Variants in CACNA2D1 observed in about 807,000 individuals in gnomAD.
CACNA2D1 encodes calcium voltage-gated channel auxiliary subunit alpha2delta 1, also known as voltage-dependent calcium channel subunit alpha-2/delta-1.
In CACNA2D1, 53 loss-of-function variants were observed where a neutral mutation model predicts 171.5. The observed-to-expected ratio is 0.31, with a 90% CI of 0.25 to 0.39. The LOEUF (loss-of-function observed/expected upper bound fraction) is 0.39, where lower values mean the gene tolerates loss of function less well. CACNA2D1 is among the 10% of genes least tolerant of loss of function. The probability of loss-of-function intolerance (pLI) is 1.00; values close to 1 mark genes in which losing one functional copy is unlikely to be tolerated. For missense variants in CACNA2D1, 903 were observed against 1,299.8 expected (o/e 0.69, Z 4.69); for synonymous variants, 442 against 443.1 (o/e 1.00, Z 0.03).
intron 18 of CACNA2D1, among the ~76,000 whole-genome samples, chr7:81,998,535 C>T (rs371508564): frequency 1.5e-4 from 23 of 152,074 alleles, no homozygotes; most frequent in African/African-American, 5.1e-4. Context: ...AAAATGCCTT[C>T]CTTCAAAGAG....
In CACNA2D1 at chr7:82,440,477, G is replaced by T. The variant is rs541386438; in HGVS notation, c.95+2888C>A. Among the ~76,000 whole-genome samples the T allele has an allele frequency of 1.1e-4, 16 of 151,878 alleles. No homozygotes were observed. The South Asian group carries it at 3.3e-3, about 32-fold the overall frequency. On this transcript the variant is annotated intron_variant, in intron 1 of 38. Coordinates refer to ENST00000356860, the MANE Select transcript of CACNA2D1 (RefSeq NM_000722.4). The stretch of plus-strand genomic sequence containing the variant: ...ACCAATACGACATGTGCATACTATA[G>T]CATAAAAATGATATATTTTCCATTT...
chr7:82,095,826 C>T (rs1293227256), intron 6 of CACNA2D1, among the ~76,000 whole-genome samples: 1 of 152,156 alleles, frequency 6.6e-6, no homozygotes, highest in Non-Finnish European at 1.5e-5. Flanking sequence ...GGATGGGTAT[C>T]ATCTGAATCA....
At chr7:82,138,440 GTTTTTTTTGTTTTT>G (rs1791955652) in intron 4 of CACNA2D1, among the ~76,000 whole-genome samples, 1 of 95,352 alleles carries the variant, frequency 1.0e-5, no homozygotes, top group Admixed American at 1.3e-4. Context: ...TGTTTTTTTT[GTTTTTTTTGTTTTT>G]TTTTTTTTTT....
At chr7:82,319,770 A>C (rs1815586659) in intron 3 of CACNA2D1, among the ~76,000 whole-genome samples, 1 of 152,260 alleles carries the variant, frequency 6.6e-6, no homozygotes, top group Non-Finnish European at 1.5e-5. Context: ...CAATAGACCA[A>C]CATTTATAGG....
chr7:82,128,849 G>A (rs989765997), intron 5 of CACNA2D1, among the ~76,000 whole-genome samples: 3 of 151,892 alleles, frequency 2.0e-5, no homozygotes, highest in Non-Finnish European at 2.9e-5. Flanking sequence ...CTGAATGCTG[G>A]TGTTCTGAGG....
chr7:82,031,478 T>C (rs113117401), intron 12 of CACNA2D1, among the ~76,000 whole-genome samples: 24 of 152,106 alleles, frequency 1.6e-4, no homozygotes, highest in Non-Finnish European at 3.5e-4. Context: ...TTTTCAAAAG[T>C]GGTTCCTCTA....
intron 3 of CACNA2D1, among the ~76,000 whole-genome samples, chr7:82,278,946 G>C (rs1809720788): frequency 6.6e-6 from 1 of 152,086 alleles, no homozygotes. Context: ...AATTTCAAAG[G>C]CTTCTAGGAA....
At chr7:82,353,518 G>A (rs1044414002) in intron 1 of CACNA2D1, among the ~76,000 whole-genome samples, 12 of 151,992 alleles carry the variant, frequency 7.9e-5, no homozygotes, top group African/African-American at 2.4e-4. Flanking sequence ...AAAGATCAAT[G>A]TATAACTCCC....
chr7:82,160,678 G>A (rs973305751), intron 4 of CACNA2D1, among the ~76,000 whole-genome samples: 1 of 151,802 alleles, frequency 6.6e-6, no homozygotes, highest in Admixed American at 6.6e-5. Flanking sequence ...CTCCTTACGT[G>A]GCCCAGGCTA....
intron 20 of CACNA2D1, among the ~76,000 whole-genome samples, chr7:81,994,452 G>A (rs547854980): frequency 5.1e-4 from 77 of 151,886 alleles, no homozygotes; most frequent in African/African-American, 1.6e-3. Context: ...TTAATATGTG[G>A]AACTCAATAA....
intron 5 of CACNA2D1, among the ~76,000 whole-genome samples, chr7:82,126,284 T>C (rs1790324793): frequency 6.6e-6 from 1 of 152,216 alleles, no homozygotes; most frequent in South Asian, 2.1e-4. Context: ...ACAGCAATTG[T>C]ACATGTATGC....
chr7:82,187,261 C>T (rs1797871756), intron 3 of CACNA2D1, among the ~76,000 whole-genome samples: 1 of 152,074 alleles, frequency 6.6e-6, no homozygotes, highest in Non-Finnish European at 1.5e-5. Context: ...CACAATAATC[C>T]ACATAATAAA....
chr7:81,962,418 C>T, intron 35 of CACNA2D1, 22 bp downstream of exon 35: 2 of 1,575,692 alleles, frequency 1.3e-6, no homozygotes, highest in South Asian at 1.1e-5. Context: ...ATGGCAATGA[C>T]AAGGTCTGAG....
In CACNA2D1 at chr7:82,248,843, C is replaced by T. The variant is rs915489609; in HGVS notation, c.295-78234G>A. 3.3e-5 allele frequency among the ~76,000 whole-genome samples: 5 copies of T among 151,740 alleles called. No homozygotes were observed. The South Asian group carries it at 6.2e-4, about 19-fold the overall frequency. ...AAAAAAATGCCCTCTTGCAGCTGGG[C>T]GCGGTGGCTCACGCCTCTAATCCCA... On this transcript the variant is annotated intron_variant, in intron 3 of 38. Coordinates refer to ENST00000356860, the MANE Select transcript of CACNA2D1 (RefSeq NM_000722.4).
At chr7:82,236,118 C>G (rs1037462917) in intron 3 of CACNA2D1, among the ~76,000 whole-genome samples, 1 of 136,358 alleles carries the variant, frequency 7.3e-6, no homozygotes, top group Non-Finnish European at 1.7e-5. Context: ...ACTTCCTTGT[C>G]GAGGGAAACC....
intron 1 of CACNA2D1, among the ~76,000 whole-genome samples, chr7:82,428,499 GA>G (rs747161858): frequency 1.7e-4 from 26 of 152,226 alleles, no homozygotes; most frequent in Non-Finnish European, 3.7e-4. Context: ...AGATAAATGT[GA>G]AAAGCATAAG....
At chr7:82,276,754 C>CTTTTTTTTTTTTT (rs199823327) in intron 3 of CACNA2D1, among the ~76,000 whole-genome samples, 1 of 138,614 alleles carries the variant, frequency 7.2e-6, no homozygotes, top group Non-Finnish European at 1.5e-5. Flanking sequence ...TTTTCTTTTT[C>CTTTTTTTTTTTTT]TTTTTTTTTT....
At chr7:81,970,011 T>C (rs1336832586) in intron 27 of CACNA2D1, 27 bp from the exon 28 acceptor site, 2 of 1,297,854 alleles carry the variant, frequency 1.5e-6, no homozygotes, top group Admixed American at 3.4e-5. Flanking sequence ...TCATCATTTG[T>C]ATTCTTTAAT....
chr7:82,379,022 T>C (rs1217611667), intron 1 of CACNA2D1, among the ~76,000 whole-genome samples: 1 of 150,426 alleles, frequency 6.6e-6, no homozygotes, highest in Non-Finnish European at 1.5e-5. Flanking sequence ...CCAGTTCTCC[T>C]CAACTCTGTA....
Sources: allele counts gnomAD v4.1 joint callset (sites outside exome capture counted in the v4.1 genomes callset), GRCh38; gene constraint gnomAD v4.1.1; transcripts MANE v1.5; gene names NCBI Gene and HGNC (gene_info 2026-07-23, HGNC 2026-07-21).